FAM193A: variants seen among roughly 807,000 people sequenced by gnomAD.
FAM193A encodes the protein family with sequence similarity 193 member A, also known as protein FAM193A.
Under a neutral mutation model 126.5 loss-of-function variants are expected in FAM193A, and 22 were observed. The ratio of observed to expected loss-of-function variants is 0.17; its 90% CI spans 0.12 to 0.25. The LOEUF (loss-of-function observed/expected upper bound fraction) is 0.25. FAM193A is among the 10% of genes least tolerant of loss of function. The pLI is 1.00. For missense variants in FAM193A, 1,675 were observed against 1,672.8 expected (o/e 1.00, Z -0.02); for synonymous variants, 761 against 646.8 (o/e 1.18, Z -2.68).
chr4:2,562,031 T>C (rs1385020947), intron 1 of FAM193A, among the ~76,000 whole-genome samples: 1 of 152,246 alleles, frequency 6.6e-6, no homozygotes, highest in African/African-American at 2.4e-5. Flanking sequence ...TCAGGTCATC[T>C]GTATGTGGTT....
chr4:2,561,236 AG>A (rs896754481), intron 1 of FAM193A, among the ~76,000 whole-genome samples: 4 of 152,152 alleles, frequency 2.6e-5, no homozygotes, highest in African/African-American at 7.2e-5. Flanking sequence ...GCTGGAGTGC[AG>A]TGGCGCAGTC....
At position 2,567,083 on chromosome 4, in the gene FAM193A, G is replaced by A. The variant is rs966952459; in HGVS notation, c.256-29001G>A. Among the ~76,000 whole-genome samples, 9 of 151,778 alleles carry A rather than the reference G, an allele frequency of 5.9e-5. No individual in the cohort carries two copies. The East Asian group carries it at 1.6e-3, about 26-fold the overall frequency. On this transcript the variant is annotated intron_variant, in intron 1 of 20. Transcript: ENST00000637812. ...GCCTCCCGAGTAGCCGGGACTACAG[G>A]CGCCCGCCACCATGCCCGGCTCATT...
intron 6 of FAM193A, among the ~76,000 whole-genome samples, chr4:2,642,980 C>T (rs570308687): frequency 1.6e-4 from 24 of 152,064 alleles, no homozygotes; most frequent in Admixed American, 1.4e-3. Context: ...CTGGATTTTC[C>T]GTTTGCTCAT....
At chr4:2,729,192 C>CA (rs1330219140) in intron 20 of FAM193A, among the ~76,000 whole-genome samples, 1 of 152,168 alleles carries the variant, frequency 6.6e-6, no homozygotes, top group Non-Finnish European at 1.5e-5. Flanking sequence ...CAAGTGGGCT[C>CA]AAGCATGTGC....
At chr4:2,672,441 CAAAG>C in intron 13 of FAM193A, 69 bp downstream of exon 13, 2 of 1,554,578 alleles carry the variant, frequency 1.3e-6, no homozygotes, top group Non-Finnish European at 1.8e-6. Flanking sequence ...CATAGTCAAA[CAAAG>C]AAATCTGTGA....
chr4:2,723,965 C>G (rs141045897), intron 20 of FAM193A, among the ~76,000 whole-genome samples: 107 of 152,134 alleles, frequency 7.0e-4, no homozygotes, highest in African/African-American at 2.6e-3. Flanking sequence ...CACCCGCTGC[C>G]TGAGACTCAG....
Position 2,715,484 on chromosome 4 carries a change from T to A in FAM193A, c.4373-539T>A, listed in dbSNP as rs539467325. On this transcript the variant is annotated intron_variant, in intron 19 of 20. Coordinates refer to ENST00000637812, the MANE Select transcript of FAM193A (RefSeq NM_001366318.2). ...AAAAGTTTTTGATGAAATCTCTGGA[T>A]GTCATATGGGTGAGATGAATGCCTG... 9.4e-5 allele frequency: 93 copies of A among 985,698 alleles called. No individual in the cohort carries two copies. The African/African-American group carries it at 1.5e-3, about 16-fold the overall frequency. The allele number at this position is 985,698 out of a possible 1,614,324, so 61.1% of individuals were successfully genotyped here.
chr4:2,610,895 G>A (rs568655668), intron 2 of FAM193A, among the ~76,000 whole-genome samples: 1 of 152,104 alleles, frequency 6.6e-6, no homozygotes, highest in East Asian at 1.9e-4. Context: ...GCACCACCAC[G>A]CCCAGCTAGT....
intron 19 of FAM193A, among the ~76,000 whole-genome samples, chr4:2,711,144 G>A (rs962144929): frequency 3.3e-5 from 5 of 151,992 alleles, no homozygotes; most frequent in African/African-American, 7.2e-5. Flanking sequence ...GAGCCACCAC[G>A]CCCGGCCACT....
At chr4:2,656,196 CTG>C (rs1423105230) in intron 7 of FAM193A, among the ~76,000 whole-genome samples, 3 of 152,134 alleles carry the variant, frequency 2.0e-5, no homozygotes, top group Non-Finnish European at 2.9e-5. Context: ...TTGAGAAACT[CTG>C]TGTTTTTGCA....
chr4:2,631,847 A>G (rs2109001595), intron 5 of FAM193A, among the ~76,000 whole-genome samples: 1 of 152,300 alleles, frequency 6.6e-6, no homozygotes. Context: ...TCAATCCTCA[A>G]CAGCCTCAGT....
rs186078412 is a variant in FAM193A at position 2,593,602 on chromosome 4, C to G, written c.256-2482C>G. On this transcript the variant is annotated intron_variant, in intron 1 of 20. Transcript: ENST00000637812. Reference sequence around the variant, plus strand: ...TGTGCCCTCAGTGCCTGGACCAGTCCCTGAGCATGTGATGGGCTCAGTAAA... The same window carrying G: ...TGTGCCCTCAGTGCCTGGACCAGTCGCTGAGCATGTGATGGGCTCAGTAAA... 4.1e-4 allele frequency among the ~76,000 whole-genome samples: 63 copies of G among 152,270 alleles called. 1 individual carries two copies. The East Asian group carries it at 0.01, about 25-fold the overall frequency.
intron 2 of FAM193A, among the ~76,000 whole-genome samples, chr4:2,615,645 A>C (rs1742137071): frequency 6.6e-6 from 1 of 151,844 alleles, no homozygotes; most frequent in African/African-American, 2.4e-5. Flanking sequence ...CAGTCTCCCA[A>C]GTAGCTGGGA....
intron 1 of FAM193A, among the ~76,000 whole-genome samples, chr4:2,562,293 A>G (rs1430601338): frequency 6.6e-6 from 1 of 152,186 alleles, no homozygotes; most frequent in African/African-American, 2.4e-5. Context: ...TACAAAAAAT[A>G]TAGAAAAAAT....
intron 7 of FAM193A, among the ~76,000 whole-genome samples, chr4:2,654,035 T>C (rs1266325926): frequency 6.6e-6 from 1 of 152,180 alleles, no homozygotes; most frequent in Non-Finnish European, 1.5e-5. Flanking sequence ...GCCACTCCAC[T>C]CTCCACTGGA....
At chr4:2,560,569 A>G (rs1738549770) in intron 1 of FAM193A, among the ~76,000 whole-genome samples, 1 of 152,156 alleles carries the variant, frequency 6.6e-6, no homozygotes, top group African/African-American at 2.4e-5. Flanking sequence ...TTGATTTGGA[A>G]GAAAGCATCT....
intron 1 of FAM193A, among the ~76,000 whole-genome samples, chr4:2,571,368 C>T (rs978513211): frequency 6.6e-6 from 1 of 152,040 alleles, no homozygotes; most frequent in Non-Finnish European, 1.5e-5. Context: ...GCCAGCAGCT[C>T]GGAGACTGGT....
At chr4:2,577,934 A>T (rs182140809) in intron 1 of FAM193A, among the ~76,000 whole-genome samples, 1 of 152,254 alleles carries the variant, frequency 6.6e-6, no homozygotes, top group East Asian at 1.9e-4. Flanking sequence ...TGTTTTTCTG[A>T]ATCTGTTCAT....
At chr4:2,728,932 A>G (rs1721070967) in intron 20 of FAM193A, among the ~76,000 whole-genome samples, 1 of 104,112 alleles carries the variant, frequency 9.6e-6, no homozygotes, top group Admixed American at 1.3e-4. Context: ...TGGTGGGAGC[A>G]CAAAGTCTGG....
Sources: allele counts gnomAD v4.1 joint callset (sites outside exome capture counted in the v4.1 genomes callset), GRCh38; gene constraint gnomAD v4.1.1; transcripts MANE v1.5; gene names NCBI Gene and HGNC (gene_info 2026-07-23, HGNC 2026-07-21).